Variants in SEC23A observed in about 807,000 individuals in gnomAD.
The protein encoded by SEC23A is protein transport protein Sec23A.
SEC23A carries 56 observed loss-of-function variants against 103.7 expected under a neutral mutation model. The ratio of observed to expected loss-of-function variants is 0.54; its 90% CI spans 0.44 to 0.67. The LOEUF (loss-of-function observed/expected upper bound fraction) is 0.67, where lower values mean the gene tolerates loss of function less well. SEC23A is among the 30% of genes least tolerant of loss of function. The pLI, the probability that SEC23A is intolerant of heterozygous loss-of-function variation, is 0.00. For synonymous variants in SEC23A, 281 were observed against 293.0 expected (o/e 0.96, Z 0.42); for missense variants, 784 against 936.4 (o/e 0.84, Z 2.12).
chr14:39,041,671 A>T lies in SEC23A; in HGVS notation c.1987-784T>A, dbSNP rs1040810624. Among the ~76,000 whole-genome samples, 4 of 152,136 alleles carry T rather than the reference A, an allele frequency of 2.6e-5. No homozygotes were observed. In the East Asian group the frequency reaches 7.8e-4, roughly 30 times the overall value. On this transcript the variant is annotated intron_variant, in intron 17 of 19. Transcript: ENST00000307712. ...GATCACCCGAGGTCAGGAGTTCGAG[A>T]CCAGCCTGGCCAACATGGTGAAAAC...
At chr14:39,037,496 C>T (rs111578192) in intron 19 of SEC23A, among the ~76,000 whole-genome samples, 13 of 152,296 alleles carry the variant, frequency 8.5e-5, no homozygotes, top group South Asian at 2.1e-4. Flanking sequence ...CATTTTGCCA[C>T]GTATGCTTTA....
intron 7 of SEC23A, among the ~76,000 whole-genome samples, chr14:39,082,188 T>C (rs1003805528): frequency 2.6e-5 from 4 of 152,048 alleles, no homozygotes; most frequent in Admixed American, 2.0e-4. Context: ...TATCTTGTTG[T>C]ATAAAATAAG....
At chr14:39,088,453 G>A (rs1039503129) in intron 5 of SEC23A, 1 of 151,950 alleles carries the variant, frequency 6.6e-6, no homozygotes, top group African/African-American at 2.4e-5. Flanking sequence ...AAAAATTAGG[G>A]CCAGGTGCGG....
At chr14:39,090,549 T>C (rs188942902) in intron 5 of SEC23A, among the ~76,000 whole-genome samples, 1 of 152,268 alleles carries the variant, frequency 6.6e-6, no homozygotes, top group East Asian at 1.9e-4. Context: ...ACACTAAAAA[T>C]CGTCCAGTCT....
rs553905375 is a variant in SEC23A, at chr14:39,092,343, C to G, written c.366+198G>C. 1.6e-4 allele frequency among the ~76,000 whole-genome samples: 25 copies of G among 152,312 alleles called. No homozygotes were observed. The East Asian group carries it at 4.8e-3, about 29-fold the overall frequency. On this transcript the variant is annotated intron_variant, in intron 4 of 19. Coordinates refer to ENST00000307712, the MANE Select transcript of SEC23A (RefSeq NM_006364.4). ...GTATAGCAAATCACACCACCCTACC[C>G]AGTATCTTGGCCACCCATCAAATAA...
At chr14:39,034,149 A>T (rs1885389499) in intron 19 of SEC23A, among the ~76,000 whole-genome samples, 1 of 152,210 alleles carries the variant, frequency 6.6e-6, no homozygotes, top group Non-Finnish European at 1.5e-5. Context: ...AACTTGAAAG[A>T]TTTGATAATG....
Position 39,033,015 on chromosome 14 carries a change from C to T in SEC23A, c.*224G>A. 1 of 509,698 alleles carries T rather than the reference C, an allele frequency of 2.0e-6. No individual in the cohort carries two copies. Among genetic ancestry groups the T allele is most frequent in the Non-Finnish European group, 3.5e-6 (1 of 281,904 alleles). 31.6% of individuals were successfully genotyped at this position (509,698 alleles called of 1,614,324 possible). On this transcript the variant is annotated 3_prime_UTR_variant, in exon 20 of 20. Coordinates refer to ENST00000307712, the MANE Select transcript of SEC23A (RefSeq NM_006364.4). ...TATAAAGACTTCAAATTTCTAGAAC[C>T]AGCTATAACACTGTGGTAAGCAAAA... is the stretch of plus-strand genomic sequence containing the variant.
chr14:39,091,707 G>T lies in SEC23A; in HGVS notation c.373C>A (p.Pro125Thr). The change falls in exon 5 of 20, where the codon CCT becomes ACT. Residue 125 changes from proline to threonine, a missense_variant. Pro to Thr is a conservative substitution (Grantham distance 38, BLOSUM62 -1). Transcript: ENST00000307712. ...TAGAGGAATATCAAAGGCATCTGAG[G>T]ACCACGCTTTTAAAAAATTCACCAA... is the stretch of plus-strand genomic sequence containing the variant. ...SSIEYVVLRGPQMPLIFLYVV... is the reference protein window; with the variant it reads ...SSIEYVVLRGTQMPLIFLYVV... The T allele has an allele frequency of 6.2e-7, 1 of 1,612,066 alleles. No homozygotes were observed. Among genetic ancestry groups the T allele is most frequent in the South Asian group, 1.1e-5 (1 of 91,032 alleles).
In SEC23A at chr14:39,091,596, C is replaced by T. The variant is rs749085740; in HGVS notation, c.484G>A (p.Ala162Thr). The T allele has an allele frequency of 4.3e-6, 7 of 1,613,834 alleles. No homozygotes were observed. Among genetic ancestry groups the T allele is most frequent in the Non-Finnish European group, 5.9e-6 (7 of 1,179,938 alleles). ...QMSLSLLPPT[A>T]LVGLITFGRM... ...CCAAAAGTAATAAGTCCAACCAAAG[C>T]TGTAGGTGGTAAAAGACTTAATGAC... The change falls in exon 5 of 20, where the codon GCT (alanine) becomes ACT (threonine). Residue 162 changes from alanine (A) to threonine (T), a missense_variant. Transcript: ENST00000307712.
chr14:39,055,283 G>C lies in SEC23A; in HGVS notation c.1519C>G (p.Gln507Glu). 3 of 1,614,070 alleles carry C rather than the reference G, an allele frequency of 1.9e-6. No homozygotes were observed. The highest frequency in any genetic ancestry group is 2.5e-6 in the Non-Finnish European group (3 of 1,180,006). ...GCAGCAATGTTTTGGATTTGAGTTT[G>C]AGCATCTGCCCAGCTGAAGACAATA... ...TTIARNWADA[Q>E]TQIQNIAASF... Residue 507 changes from glutamine (Q) to glutamate (E), a missense_variant, in exon 14 of 20, where the codon CAA becomes GAA. Coordinates refer to ENST00000307712, the MANE Select transcript of SEC23A (RefSeq NM_006364.4).
intron 15 of SEC23A, among the ~76,000 whole-genome samples, chr14:39,046,354 T>A (rs1228695033): frequency 1.3e-5 from 2 of 152,046 alleles, no homozygotes; most frequent in African/African-American, 4.8e-5. Context: ...GTGTCTGTAA[T>A]CTCAGCTACT....
chr14:39,089,078 G>A (rs1477606085), intron 5 of SEC23A, among the ~76,000 whole-genome samples: 6 of 150,538 alleles, frequency 4.0e-5, no homozygotes, highest in South Asian at 2.1e-4. Context: ...GGAGGCTGAG[G>A]CAGGAGAATC....
intron 18 of SEC23A, chr14:39,039,918 T>C (rs1479132405): frequency 6.6e-6 from 1 of 152,168 alleles, no homozygotes; most frequent in Non-Finnish European, 1.5e-5. Flanking sequence ...ACTTTGCAAA[T>C]TCTCAATATG....
At chr14:39,059,465 C>T (rs948267315) in intron 13 of SEC23A, among the ~76,000 whole-genome samples, 2 of 151,922 alleles carry the variant, frequency 1.3e-5, no homozygotes, top group African/African-American at 4.8e-5. Context: ...AATATATAAG[C>T]CCATAATATT....
At chr14:39,060,457 A>G (rs998762775) in intron 13 of SEC23A, among the ~76,000 whole-genome samples, 3 of 152,212 alleles carry the variant, frequency 2.0e-5, no homozygotes, top group Non-Finnish European at 4.4e-5. Flanking sequence ...AATGAGAGCT[A>G]CAAATGCCTT....
intron 13 of SEC23A, among the ~76,000 whole-genome samples, chr14:39,056,870 C>CAGCT (rs1280044491): frequency 1.3e-5 from 2 of 152,118 alleles, no homozygotes; most frequent in African/African-American, 4.8e-5. Flanking sequence ...AGTGTAAAGG[C>CAGCT]AGCTCTCCAA....
intron 17 of SEC23A, 21 bp from the exon 18 acceptor site, chr14:39,040,908 G>A: frequency 6.3e-7 from 1 of 1,594,540 alleles, no homozygotes; most frequent in African/African-American, 1.4e-5. Context: ...AACAATTAAA[G>A]AAATTACTTT....
chr14:39,059,835 A>G (rs1022619028), intron 13 of SEC23A, among the ~76,000 whole-genome samples: 3 of 152,138 alleles, frequency 2.0e-5, no homozygotes, highest in Admixed American at 6.5e-5. Flanking sequence ...GACTATATTC[A>G]TATTTCCCCA....
intron 9 of SEC23A, among the ~76,000 whole-genome samples, chr14:39,069,317 T>C (rs567529583): frequency 5.3e-5 from 8 of 152,316 alleles, no homozygotes; most frequent in African/African-American, 1.7e-4. Flanking sequence ...TTGAAAACTC[T>C]CCAACGCCTT....
Sources: allele counts gnomAD v4.1 joint callset (sites outside exome capture counted in the v4.1 genomes callset), GRCh38; gene constraint gnomAD v4.1.1; transcripts MANE v1.5; gene names NCBI Gene and HGNC (gene_info 2026-07-23, HGNC 2026-07-21).